NFASC: variants seen among roughly 807,000 people sequenced by gnomAD.
NFASC encodes the protein neurofascin.
Under a neutral mutation model 147.5 loss-of-function variants are expected in NFASC, and 43 were observed. The ratio of observed to expected loss-of-function variants is 0.29; its 90% confidence interval spans 0.23 to 0.38. NFASC has a LOEUF of 0.38. Among genes scored for constraint, NFASC ranks in the 10% least tolerant of loss-of-function variants. The probability of loss-of-function intolerance (pLI) is 1.00; values close to 1 mark genes in which losing one functional copy is unlikely to be tolerated. For missense variants in NFASC, 1,320 were observed against 1,689.0 expected, an observed-to-expected ratio of 0.78 and a Z score of 3.83; for synonymous variants, 622 against 665.5, an observed-to-expected ratio of 0.93 and a Z score of 1.01.
intron 27 of NFASC, among the ~76,000 whole-genome samples, chr1:205,007,864 G>A (rs971055293): frequency 6.6e-6 from 1 of 152,168 alleles, no homozygotes; most frequent in African/African-American, 2.4e-5. Flanking sequence ...ACAATAAGAA[G>A]CTTTGGAGGG....
intron 1 of NFASC, among the ~76,000 whole-genome samples, chr1:204,915,260 A>G (rs1191180100): frequency 1.3e-5 from 2 of 152,182 alleles, no homozygotes; most frequent in Non-Finnish European, 2.9e-5. Flanking sequence ...CAGCCTGGAC[A>G]ACAGAGCAAG....
chr1:204,977,802 C>T, intron 17 of NFASC, 77 bp downstream of exon 17: 1 of 1,409,256 alleles, frequency 7.1e-7, no homozygotes. Flanking sequence ...AGAAGGAAGC[C>T]ACTTTGGGAA....
At chr1:204,889,855 T>G (rs1282234212) in intron 1 of NFASC, among the ~76,000 whole-genome samples, 1 of 152,238 alleles carries the variant, frequency 6.6e-6, no homozygotes, top group Non-Finnish European at 1.5e-5. Flanking sequence ...ATAGAATCCA[T>G]TAACATCAGT....
chr1:204,879,856 G>A lies in NFASC; in HGVS notation c.-199-40776G>A, dbSNP rs148887300. ...AAGAGCTGTGGGAATAGAAGGGATA[G>A]TATGAGGTATAAAGGGCAATTTCTG... On this transcript the variant is annotated intron_variant, in intron 1 of 29. Coordinates refer to ENST00000339876, the MANE Select transcript of NFASC (RefSeq NM_001005388.3). Among the ~76,000 whole-genome samples the A allele has an allele frequency of 2.2e-4, 34 of 152,334 alleles. 1 individual carries two copies. In the East Asian group the frequency reaches 5.2e-3, roughly 23 times the overall value.
intron 15 of NFASC, among the ~76,000 whole-genome samples, chr1:204,976,044 T>C (rs1257004224): frequency 6.6e-6 from 1 of 152,122 alleles, no homozygotes; most frequent in African/African-American, 2.4e-5. Flanking sequence ...CTTTACCTTC[T>C]TCCACCCCGA....
At chr1:204,926,831 T>G (rs1256105508) in intron 2 of NFASC, among the ~76,000 whole-genome samples, 1 of 152,002 alleles carries the variant, frequency 6.6e-6, no homozygotes, top group African/African-American at 2.4e-5. Flanking sequence ...CCCAGCACTT[T>G]GGGAGGCTGA....
chr1:204,996,054 T>G (rs763899708), intron 24 of NFASC, among the ~76,000 whole-genome samples: 6 of 152,032 alleles, frequency 3.9e-5, no homozygotes, highest in South Asian at 2.1e-4. Context: ...ATTCTCATAC[T>G]CTCAGCTTTA....
chr1:205,007,908 G>A (rs2096159436), intron 27 of NFASC, among the ~76,000 whole-genome samples: 4 of 152,190 alleles, frequency 2.6e-5, no homozygotes, highest in Non-Finnish European at 4.4e-5. Flanking sequence ...CCTACGTGGG[G>A]GGTTGGAAAG....
At chr1:204,973,504 C>G (rs1274409436) in intron 12 of NFASC, 85 bp downstream of exon 12, 14 of 1,509,844 alleles carry the variant, frequency 9.3e-6, no homozygotes, top group Non-Finnish European at 1.3e-5. Flanking sequence ...GTGGGGCACA[C>G]TTTCTTCTCC....
intron 26 of NFASC, among the ~76,000 whole-genome samples, chr1:205,002,292 G>C (rs2096005031): frequency 6.6e-6 from 1 of 152,242 alleles, no homozygotes; most frequent in Non-Finnish European, 1.5e-5. Flanking sequence ...AGCATCTGCT[G>C]ACAAGCTGAG....
At chr1:204,896,255 G>GTAT (rs2083376015) in intron 1 of NFASC, among the ~76,000 whole-genome samples, 2 of 152,202 alleles carry the variant, frequency 1.3e-5, no homozygotes, top group Non-Finnish European at 1.5e-5. Context: ...TTTAGTAATT[G>GTAT]TATTCTGAGT....
Position 204,986,165 on chromosome 1 carries a change from C to T in NFASC, c.2471-1253C>T. The T allele has an allele frequency of 2.2e-6, 3 of 1,387,776 alleles. No homozygotes were observed. Among genetic ancestry groups the T allele is most frequent in the Non-Finnish European group, 3.1e-6 (3 of 975,690 alleles). The allele number at this position is 1,387,776 out of a possible 1,614,324, so 86.0% of individuals were successfully genotyped here. A position where few individuals can be genotyped will look rare whatever the true frequency, so the allele number is the denominator to read the frequency against. On this transcript the variant is annotated intron_variant, in intron 21 of 29. Coordinates refer to ENST00000339876, the MANE Select transcript of NFASC (RefSeq NM_001005388.3). The surrounding 1 kb of genome is among the most constrained non-coding windows in gnomAD (Gnocchi z 4.2). ...GGTGGGGCAGGAGAAGGGTGGCACA[C>T]ACCTTGGGCCTGGAGAAACTCCAGC... is the stretch of plus-strand genomic sequence containing the variant.
intron 25 of NFASC, 104 bp downstream of exon 25, chr1:204,997,510 G>T: frequency 7.6e-7 from 1 of 1,311,452 alleles, no homozygotes; most frequent in Non-Finnish European, 1.1e-6. Context: ...GGTCTGGGGT[G>T]GTGTTTGCCA....
intron 1 of NFASC, among the ~76,000 whole-genome samples, chr1:204,834,141 G>T (rs1044645557): frequency 1.3e-5 from 2 of 152,096 alleles, no homozygotes; most frequent in African/African-American, 4.8e-5. Context: ...GAAGTGACCT[G>T]CCTCATCCTG....
At chr1:204,843,654 C>CCCTTCCTT (rs1162331636) in intron 1 of NFASC, among the ~76,000 whole-genome samples, 1 of 97,132 alleles carries the variant, frequency 1.0e-5, no homozygotes, top group African/African-American at 4.1e-5. Context: ...CTCCCTCCCT[C>CCCTTCCTT]CCTTCCTTCC....
intron 2 of NFASC, among the ~76,000 whole-genome samples, chr1:204,928,357 CTGGAT>C (rs2091960465): frequency 6.6e-6 from 1 of 152,160 alleles, no homozygotes; most frequent in Non-Finnish European, 1.5e-5. Flanking sequence ...AGAAAGCTGG[CTGGAT>C]TGTAGAGTCG....
chr1:204,957,071 T>A lies in NFASC; in HGVS notation c.536-585T>A, dbSNP rs1558248106. 2.6e-5 allele frequency among the ~76,000 whole-genome samples: 4 copies of A among 152,346 alleles called. No individual in the cohort carries two copies. In the South Asian group the frequency reaches 8.3e-4, roughly 32 times the overall value. ...ATTGGTATATATCTTACAGTTATAATCAGTAGTGCTTTCTTCTTAGGAATA... is the reference window on the plus strand; with the variant it reads ...ATTGGTATATATCTTACAGTTATAAACAGTAGTGCTTTCTTCTTAGGAATA... On this transcript the variant is annotated intron_variant, in intron 7 of 29. Coordinates refer to ENST00000339876, the MANE Select transcript of NFASC (RefSeq NM_001005388.3).
chr1:204,906,351 C>A (rs1043994149), intron 1 of NFASC, among the ~76,000 whole-genome samples: 1 of 152,104 alleles, frequency 6.6e-6, no homozygotes, highest in African/African-American at 2.4e-5. Context: ...TCTCTTGTAC[C>A]CTTTTTTGGG....
At chr1:204,835,559 C>T (rs1260811146) in intron 1 of NFASC, among the ~76,000 whole-genome samples, 1 of 152,120 alleles carries the variant, frequency 6.6e-6, no homozygotes, top group Non-Finnish European at 1.5e-5. Context: ...GACTTGAAGA[C>T]TTTCTCCAGG....
Sources: gnomAD v4.1 joint callset for allele counts (sites outside exome capture counted in the v4.1 genomes callset) on GRCh38, gnomAD v4.1.1 for gene constraint, Gnocchi (gnomAD v3.1) non-coding constraint, MANE v1.5 for transcripts, NCBI Gene and HGNC (gene_info 2026-07-23, HGNC 2026-07-21) for gene names.